ADGRV1: variants seen among roughly 807,000 people sequenced by gnomAD.
ADGRV1 encodes the protein adhesion G protein-coupled receptor V1.
Under a neutral mutation model 596.2 loss-of-function variants are expected in ADGRV1, and 359 were observed. The observed-to-expected ratio is 0.60, with a 90% CI of 0.55 to 0.66. The LOEUF (loss-of-function observed/expected upper bound fraction) is 0.66, where lower values mean the gene tolerates loss of function less well. Among genes scored for constraint, ADGRV1 ranks in the 30% least tolerant of loss-of-function variants. ADGRV1 has a pLI of 0.00. For synonymous variants in ADGRV1, 2,681 were observed against 2,679.2 expected, an observed-to-expected ratio of 1.00 and a Z score of -0.02; for missense variants, 7,274 against 7,575.6, an observed-to-expected ratio of 0.96 and a Z score of 1.48.
chr5:91,015,131 T>C (rs995736412), intron 85 of ADGRV1, among the ~76,000 whole-genome samples: 4 of 152,058 alleles, frequency 2.6e-5, no homozygotes, highest in Non-Finnish European at 4.4e-5. Context: ...TTAATTTCAT[T>C]TTTTTACCCA....
chr5:90,823,497 G>A lies in ADGRV1; in HGVS notation c.16269G>A (p.Gly5423=), dbSNP rs939209600. ...CAGTCGTCGTGCTCCAGAAGGATGG[G>A]GTAAACCTGGTGGAGGAACTTCAGT... ...NKTVVVLQKD[G]VNLVEELQSV... The change falls in exon 76 of 90, where the codon GGG becomes GGA. Residue 5423 remains glycine, a synonymous_variant. Transcript: ENST00000405460. 1 of 1,613,814 alleles carries A rather than the reference G, an allele frequency of 6.2e-7. No individual in the cohort carries two copies. Among genetic ancestry groups the A allele is most frequent in the Non-Finnish European group, 8.5e-7 (1 of 1,179,770 alleles).
chr5:90,971,424 G>GA (rs150669333), intron 84 of ADGRV1, among the ~76,000 whole-genome samples: 37,011 of 152,018 alleles, frequency 0.24, 4,719 homozygotes, highest in Non-Finnish European at 0.28. Context: ...TGAGATGAAG[G>GA]AAAAAATGTT....
chr5:90,780,960 TTAGTTTG>T (rs1758771664), intron 64 of ADGRV1: 1 of 162,362 alleles, frequency 6.2e-6, no homozygotes, highest in African/African-American at 2.4e-5. Flanking sequence ...TCTTGATGAT[TTAGTTTG>T]AAATTTAATT....
rs551301562 is a variant in ADGRV1, at chr5:90,763,176, A to G, written c.12121-129A>G. The G allele has an allele frequency of 1.6e-5, 14 of 878,318 alleles. No homozygotes were observed. The South Asian group carries it at 4.7e-4, about 29-fold the overall frequency. 54.4% of individuals were successfully genotyped at this position (878,318 alleles called of 1,614,324 possible). ...TTGGTAAAAAAAATTTTTCTGCCAC[A>G]TGATAATTACATGTAACATTCTAAA... On this transcript the variant is annotated intron_variant, in intron 58 of 89. Transcript: ENST00000405460.
chr5:90,780,569 T>TA, intron 64 of ADGRV1, among the ~76,000 whole-genome samples: 1 of 152,208 alleles, frequency 6.6e-6, no homozygotes. Context: ...AAAAAAAGAC[T>TA]TCTTTTGCAG....
intron 74 of ADGRV1, among the ~76,000 whole-genome samples, chr5:90,812,896 C>A (rs1002352660): frequency 2.6e-5 from 4 of 151,746 alleles, no homozygotes; most frequent in African/African-American, 7.3e-5. Flanking sequence ...CTTTGGGAGG[C>A]CGAGTCGGGC....
intron 84 of ADGRV1, among the ~76,000 whole-genome samples, chr5:90,967,131 A>G (rs1337954845): frequency 6.6e-6 from 1 of 152,128 alleles, no homozygotes; most frequent in African/African-American, 2.4e-5. Context: ...GGGGCTGAAG[A>G]AGAGAACTGA....
At chr5:90,669,123 A>G (rs1240614543) in intron 21 of ADGRV1, among the ~76,000 whole-genome samples, 1 of 152,238 alleles carries the variant, frequency 6.6e-6, no homozygotes, top group Non-Finnish European at 1.5e-5. Flanking sequence ...TGAATGCTTG[A>G]TAAGTGGTAG....
intron 1 of ADGRV1, among the ~76,000 whole-genome samples, chr5:90,592,837 A>G (rs1441134443): frequency 1.3e-5 from 2 of 152,272 alleles, no homozygotes; most frequent in Admixed American, 6.5e-5. Context: ...GCCAACAGAC[A>G]CATGAAAAAA....
At chr5:90,754,833 T>C in intron 54 of ADGRV1, 150 bp from the exon 55 acceptor site, 1 of 554,324 alleles carries the variant, frequency 1.8e-6, no homozygotes, top group Non-Finnish European at 3.1e-6. Flanking sequence ...AAGCCCAGAA[T>C]GATCCTTGGG....
chr5:91,029,144 T>C (rs578083346), intron 85 of ADGRV1, among the ~76,000 whole-genome samples: 1 of 152,330 alleles, frequency 6.6e-6, no homozygotes, highest in East Asian at 1.9e-4. Context: ...GTATATTTTT[T>C]CCATCTATCT....
At chr5:91,078,910 G>C (rs528600989) in intron 86 of ADGRV1, among the ~76,000 whole-genome samples, 1 of 152,280 alleles carries the variant, frequency 6.6e-6, no homozygotes, top group South Asian at 2.1e-4. Flanking sequence ...ACATTCTGGT[G>C]TTTCAATATC....
intron 75 of ADGRV1, among the ~76,000 whole-genome samples, chr5:90,818,048 A>T (rs901165812): frequency 1.6e-3 from 237 of 151,758 alleles, no homozygotes; most frequent in Non-Finnish European, 2.9e-3. Context: ...ACCCATGAGC[A>T]TGGAATGTTC....
In ADGRV1 at chr5:90,724,998, C is replaced by T. The variant is rs1270729721; in HGVS notation, c.9906+9C>T. On this transcript the variant is annotated intron_variant, in intron 46 of 89. Transcript: ENST00000405460. ...TTTTTATTCCAGTTGAGGTAAACAT[C>T]AGTATTTTTTTATAGTACAAAAATA... The T allele has an allele frequency of 1.3e-6, 2 of 1,581,764 alleles. No individual in the cohort carries two copies. The highest frequency in any genetic ancestry group is 3.9e-5 in the Admixed American group (2 of 51,934).
chr5:90,622,041 C>T (rs1764150156), intron 4 of ADGRV1, among the ~76,000 whole-genome samples: 1 of 152,166 alleles, frequency 6.6e-6, no homozygotes, highest in South Asian at 2.1e-4. Context: ...TTGGCTGTGT[C>T]CGTGTTCCTC....
intron 50 of ADGRV1, among the ~76,000 whole-genome samples, chr5:90,730,813 C>T (rs1276963642): frequency 1.3e-5 from 2 of 152,106 alleles, no homozygotes; most frequent in African/African-American, 2.4e-5. Context: ...ATCATGTCTC[C>T]TGTTGAGGTG....
intron 83 of ADGRV1, among the ~76,000 whole-genome samples, chr5:90,961,602 C>T (rs1185822631): frequency 6.7e-6 from 1 of 150,282 alleles, no homozygotes; most frequent in East Asian, 2.0e-4. Context: ...TATTAAGGAG[C>T]ACTGAGAATT....
chr5:90,668,316 G>A (rs536505056), intron 21 of ADGRV1, among the ~76,000 whole-genome samples: 6 of 152,186 alleles, frequency 3.9e-5, no homozygotes, highest in South Asian at 2.1e-4. Flanking sequence ...CTCGTGGTGC[G>A]CCGTTTTTTA....
In ADGRV1 at chr5:90,862,128, A is replaced by G. The variant is rs1025443516; in HGVS notation, c.17756-1629A>G. 3.3e-5 allele frequency among the ~76,000 whole-genome samples: 5 copies of G among 152,312 alleles called. No homozygotes were observed. In the South Asian group the frequency reaches 8.3e-4, roughly 25 times the overall value. ...TAGTATACTAAATGTATATCATGAA[A>G]CAGGAGTATAATAGAGCATTACTAA... is the stretch of plus-strand genomic sequence containing the variant. On this transcript the variant is annotated intron_variant, in intron 82 of 89. Transcript: ENST00000405460.
Sources: gnomAD v4.1 joint callset for allele counts (sites outside exome capture counted in the v4.1 genomes callset) on GRCh38, gnomAD v4.1.1 for gene constraint, MANE v1.5 for transcripts, NCBI Gene and HGNC (gene_info 2026-07-23, HGNC 2026-07-21) for gene names.